INTS4: variants seen among roughly 807,000 people sequenced by gnomAD.
The protein encoded by INTS4 is integrator complex subunit 4.
Under a neutral mutation model 119.5 loss-of-function variants are expected in INTS4, and 70 were observed. The ratio of observed to expected loss-of-function variants is 0.59; its 90% CI spans 0.48 to 0.71. The LOEUF is 0.71. Ranked by LOEUF, INTS4 falls within the 30% of genes least tolerant of loss-of-function variation. The pLI is 0.00. For missense variants in INTS4, 867 were observed against 1,173.2 expected, an observed-to-expected ratio of 0.74 and a Z score of 3.81; for synonymous variants, 316 against 419.6, an observed-to-expected ratio of 0.75 and a Z score of 3.02.
chr11:77,893,710 T>G (rs1377096844), intron 19 of INTS4, among the ~76,000 whole-genome samples: 2 of 152,072 alleles, frequency 1.3e-5, no homozygotes, highest in Middle Eastern at 3.4e-3. Context: ...CTGGCCAACA[T>G]GATGAAACCC....
chr11:77,983,094 T>C (rs1204441839), intron 2 of INTS4, among the ~76,000 whole-genome samples: 1 of 152,192 alleles, frequency 6.6e-6, no homozygotes, highest in Admixed American at 6.5e-5. Context: ...ACAACAGCTG[T>C]ATGTCTTAAA....
intron 4 of INTS4, among the ~76,000 whole-genome samples, chr11:77,973,210 C>T (rs1169180771): frequency 2.6e-5 from 4 of 152,150 alleles, no homozygotes; most frequent in African/African-American, 7.2e-5. Flanking sequence ...ATATTGTTCA[C>T]TGCAAGTGTA....
intron 22 of INTS4, 33 bp downstream of exon 22, chr11:77,883,799 A>C: frequency 6.2e-7 from 1 of 1,608,202 alleles, no homozygotes; most frequent in Non-Finnish European, 8.5e-7. Context: ...CCAGCAGCAT[A>C]TTTCCCTTCC....
chr11:77,892,123 T>TA (rs1416370779), intron 19 of INTS4, among the ~76,000 whole-genome samples: 1 of 152,238 alleles, frequency 6.6e-6, no homozygotes, highest in Non-Finnish European at 1.5e-5. Flanking sequence ...TTAGAATTTT[T>TA]ATTTTCGTAT....
At chr11:77,903,764 G>A (rs1952853146) in intron 16 of INTS4, 144 bp from the exon 17 acceptor site, 3 of 648,272 alleles carry the variant, frequency 4.6e-6, no homozygotes, top group South Asian at 1.9e-5. Flanking sequence ...CCAATAAGCT[G>A]TATCTATTAT....
chr11:77,971,979 G>A (rs1411368123), intron 4 of INTS4, among the ~76,000 whole-genome samples: 5 of 152,112 alleles, frequency 3.3e-5, no homozygotes, highest in Non-Finnish European at 5.9e-5. Flanking sequence ...TCTTTTACAC[G>A]TGGATAGACA....
At chr11:77,894,939 G>A (rs1364019174) in intron 18 of INTS4, among the ~76,000 whole-genome samples, 2 of 152,026 alleles carry the variant, frequency 1.3e-5, no homozygotes, top group Non-Finnish European at 2.9e-5. Flanking sequence ...TTTCCATAGC[G>A]GTATAGCCTA....
chr11:77,887,342 G>C (rs371530956), intron 21 of INTS4, among the ~76,000 whole-genome samples: 2 of 151,820 alleles, frequency 1.3e-5, no homozygotes, highest in Non-Finnish European at 2.9e-5. Flanking sequence ...TCTCAATAGA[G>C]GCAGAAAAGG....
chr11:77,934,508 T>C (rs1953744292), intron 10 of INTS4, among the ~76,000 whole-genome samples: 1 of 152,040 alleles, frequency 6.6e-6, no homozygotes, highest in Admixed American at 6.5e-5. Flanking sequence ...TGTTGTTGTG[T>C]TGGAGAGGTG....
rs1242435557 is a variant in INTS4, at chr11:77,883,304, T to C, written c.2713+528A>G. Among the ~76,000 whole-genome samples, 3 of 152,176 alleles carry C rather than the reference T, an allele frequency of 2.0e-5. No individual in the cohort carries two copies. The East Asian group carries it at 5.8e-4, about 29-fold the overall frequency. On this transcript the variant is annotated intron_variant, in intron 22 of 22. Transcript: ENST00000534064. ...GCAGACTGAGGTCTTCTTAAGTTTT[T>C]TAAAGCAGGCTTACAGGCTTGAAAT... is the stretch of plus-strand genomic sequence containing the variant.
chr11:77,962,715 C>CA (rs890649301), intron 4 of INTS4, among the ~76,000 whole-genome samples: 127 of 141,934 alleles, frequency 8.9e-4, no homozygotes, highest in African/African-American at 2.6e-3. Flanking sequence ...TATTTTTTTT[C>CA]AAAAAAAAAA....
chr11:77,896,107 A>T (rs1241275594), intron 18 of INTS4, among the ~76,000 whole-genome samples: 1 of 152,230 alleles, frequency 6.6e-6, no homozygotes, highest in Non-Finnish European at 1.5e-5. Context: ...AAACTTTTTT[A>T]AAAATTCTAA....
chr11:77,924,723 T>C (rs781096334), intron 12 of INTS4, 27 bp downstream of exon 12: 27 of 1,591,582 alleles, frequency 1.7e-5, no homozygotes, highest in Middle Eastern at 3.6e-4. Flanking sequence ...TGGGACTCAG[T>C]GAGTAAATGG....
At chr11:77,957,394 CAA>C (rs1180409480) in intron 7 of INTS4, among the ~76,000 whole-genome samples, 42 of 151,656 alleles carry the variant, frequency 2.8e-4, no homozygotes, top group Non-Finnish European at 5.3e-4. Context: ...ACTAAAAGTA[CAA>C]AAAATGAGCT....
intron 16 of INTS4, among the ~76,000 whole-genome samples, chr11:77,906,035 T>C (rs1952942412): frequency 6.6e-6 from 1 of 152,216 alleles, no homozygotes; most frequent in Non-Finnish European, 1.5e-5. Context: ...TATCTTTAAA[T>C]TTTTTAAATT....
chr11:77,900,170 G>C (rs1330738559), intron 18 of INTS4, among the ~76,000 whole-genome samples: 4 of 151,714 alleles, frequency 2.6e-5, no homozygotes, highest in Non-Finnish European at 5.9e-5. Context: ...TGTGATTTCG[G>C]CCCACTGCAA....
intron 18 of INTS4, 196 bp downstream of exon 18, chr11:77,901,225 T>C (rs1471686498): frequency 3.4e-5 from 22 of 655,250 alleles, no homozygotes; most frequent in Admixed American, 8.1e-5. Context: ...AGAGACACAA[T>C]TGGATTTCCA....
intron 15 of INTS4, among the ~76,000 whole-genome samples, chr11:77,917,311 CCTT>C (rs1190537733): frequency 6.7e-6 from 1 of 149,370 alleles, no homozygotes; most frequent in African/African-American, 2.5e-5. Flanking sequence ...TAATATTTTT[CCTT>C]CTTTCTTTTT....
At chr11:77,989,275 G>T (rs1856571567) in intron 2 of INTS4, among the ~76,000 whole-genome samples, 1 of 152,012 alleles carries the variant, frequency 6.6e-6, no homozygotes, top group Non-Finnish European at 1.5e-5. Flanking sequence ...ATCACCCGAG[G>T]TCTGGAATTC....
Sources: allele counts gnomAD v4.1 joint callset (sites outside exome capture counted in the v4.1 genomes callset), GRCh38; gene constraint gnomAD v4.1.1; transcripts MANE v1.5; gene names NCBI Gene and HGNC (gene_info 2026-07-23, HGNC 2026-07-21).